ANKRD46: variants seen among roughly 807,000 people sequenced by gnomAD.
The protein encoded by ANKRD46 is ankyrin repeat domain-containing protein 46.
In ANKRD46, 13 loss-of-function variants were observed where a neutral mutation model predicts 19.8. The observed-to-expected ratio is 0.66, with a 90% CI of 0.43 to 1.04. The LOEUF (loss-of-function observed/expected upper bound fraction) is 1.04. Among genes scored for constraint, ANKRD46 ranks in the 50% least tolerant of loss-of-function variants. ANKRD46 has a pLI of 0.00. For missense variants in ANKRD46, 185 were observed against 274.8 expected (o/e 0.67, Z 2.31); for synonymous variants, 91 against 106.9 (o/e 0.85, Z 0.92).
At chr8:100,526,128 A>G (rs1010927333) in intron 4 of ANKRD46, among the ~76,000 whole-genome samples, 1 of 152,228 alleles carries the variant, frequency 6.6e-6, no homozygotes, top group African/African-American at 2.4e-5. Flanking sequence ...CAGTGTTACA[A>G]TTAATACAAA....
downstream of ANKRD46, among the ~76,000 whole-genome samples, chr8:100,520,107 G>A (rs1243724415): frequency 6.6e-6 from 1 of 152,122 alleles, no homozygotes; most frequent in Non-Finnish European, 1.5e-5. Flanking sequence ...GGTAAGTGGT[G>A]GGGAAAGGAG....
rs1811859662 is a variant in ANKRD46 at position 100,527,271 on chromosome 8, C to G, written c.470+574G>C. On this transcript the variant is annotated intron_variant, in intron 4 of 4. Transcript: ENST00000335659. This position sits in a 1 kb window ranked among gnomAD's most constrained non-coding sequence, Gnocchi z 4.0. ...GAAAGTCACTTTCACTTTCACATTA[C>G]TGAACTGTGCATGTGTTAAATACTA... Among the ~76,000 whole-genome samples, 1 of 152,342 alleles carries G rather than the reference C, an allele frequency of 6.6e-6. No homozygotes were observed. Among genetic ancestry groups the G allele is most frequent in the South Asian group, 2.1e-4 (1 of 4,830 alleles).
rs1035300507 is a variant in ANKRD46, at chr8:100,536,351, C to A, written c.-130-3040G>T. Among the ~76,000 whole-genome samples the A allele has an allele frequency of 6.6e-6, 1 of 152,054 alleles. No homozygotes were observed. The highest frequency in any genetic ancestry group is 1.9e-4 in the East Asian group (1 of 5,174). ...CTCTTAGGAGTGTACCATAGAGAGACAATTTTCTTGTCAGATGCTGTTAAA... is the reference window on the plus strand; with the variant it reads ...CTCTTAGGAGTGTACCATAGAGAGAAAATTTTCTTGTCAGATGCTGTTAAA... On this transcript the variant is annotated intron_variant, in intron 1 of 4. Transcript: ENST00000335659. The surrounding 1 kb of genome is among the most constrained non-coding windows in gnomAD (Gnocchi z 4.9).
chr8:100,522,890 CACACACACACACACATATAT>C lies in ANKRD46; in HGVS notation c.471-139_471-120del, dbSNP rs1325520415. 8.3e-5 allele frequency: 47 copies of C among 569,694 alleles called. 1 individual carries two copies. The Middle Eastern group carries it at 1.8e-3, about 22-fold the overall frequency. The allele number at this position is 569,694 out of a possible 1,614,324, so 35.3% of individuals were successfully genotyped here. A position where few individuals can be genotyped will look rare whatever the true frequency, so the allele number is the denominator to read the frequency against. On this transcript the variant is annotated intron_variant, in intron 4 of 4. Coordinates refer to ENST00000335659, the MANE Select transcript of ANKRD46 (RefSeq NM_001270377.2). ...ACACACACACACACACACACACACA[CACACACACACACACATATAT>C]ATATATACACACTCTTACATGCTTA...
intron 5 of ANKRD46, among the ~76,000 whole-genome samples, chr8:100,514,148 G>T (rs1435879670): frequency 6.6e-6 from 1 of 152,132 alleles, no homozygotes; most frequent in Non-Finnish European, 1.5e-5. Context: ...AAGAGAATTA[G>T]GCTAGCAATT....
chr8:100,541,083 C>A (rs1319154013), intron 1 of ANKRD46, among the ~76,000 whole-genome samples: 2 of 150,172 alleles, frequency 1.3e-5, no homozygotes, highest in East Asian at 3.9e-4. Context: ...AAGTTATTTA[C>A]CATAATTCTC....
In ANKRD46 at chr8:100,533,317, G is replaced by C. The variant is rs892533142; in HGVS notation, c.-130-6C>G. ...TGTAATGTGCTGGCAAGGATCTACAGTAAATAGAAAATTAAGTTATAATAG... is the reference window on the plus strand; with the variant it reads ...TGTAATGTGCTGGCAAGGATCTACACTAAATAGAAAATTAAGTTATAATAG... On this transcript the variant is annotated splice_region_variant and splice_polypyrimidine_tract_variant and intron_variant, in intron 1 of 4. Transcript: ENST00000335659. The C allele has an allele frequency of 1.3e-5, 2 of 152,202 alleles. No individual in the cohort carries two copies. The highest frequency in any genetic ancestry group is 1.3e-4 in the Admixed American group (2 of 15,284). 9.4% of individuals were successfully genotyped at this position (152,202 alleles called of 1,614,324 possible). A position where few individuals can be genotyped will look rare whatever the true frequency, so the allele number is the denominator to read the frequency against.
chr8:100,515,665 G>T (rs1811618745), intron 5 of ANKRD46, among the ~76,000 whole-genome samples: 1 of 151,374 alleles, frequency 6.6e-6, no homozygotes, highest in African/African-American at 2.4e-5. Context: ...CGGGGGAGGG[G>T]GGGGGCGGTG....
intron 4 of ANKRD46, 117 bp from the exon 5 acceptor site, chr8:100,522,888 CACACACACACACACACATATAT>C: frequency 5.3e-6 from 3 of 567,798 alleles, no homozygotes; most frequent in Non-Finnish European, 9.1e-6. Context: ...CACACACACA[CACACACACACACACACATATAT>C]ATATATACAC....
rs1286800005 is a variant in ANKRD46 at position 100,532,563 on chromosome 8, AG to A, written c.-28+645del. ...TAAAATAGTCAAGAATTCTTTTGCGAGGGTAATCTAAATATTTTCCCTTACA... is the reference window on the plus strand; with the variant it reads ...TAAAATAGTCAAGAATTCTTTTGCGAGGTAATCTAAATATTTTCCCTTACA... On this transcript the variant is annotated intron_variant, in intron 2 of 4. Coordinates refer to ENST00000335659, the MANE Select transcript of ANKRD46 (RefSeq NM_001270377.2). The surrounding 1 kb of genome is among the most constrained non-coding windows in gnomAD (Gnocchi z 4.7). 1.3e-5 allele frequency: 2 copies of A among 152,210 alleles called. No homozygotes were observed. Among genetic ancestry groups the A allele is most frequent in the Non-Finnish European group, 2.9e-5 (2 of 68,040 alleles). The allele number at this position is 152,210 out of a possible 1,614,324, so 9.4% of individuals were successfully genotyped here.
chr8:100,539,277 A>G (rs527861825), intron 1 of ANKRD46, among the ~76,000 whole-genome samples: 1 of 152,328 alleles, frequency 6.6e-6, no homozygotes, highest in East Asian at 1.9e-4. Context: ...TTAACCTTTT[A>G]GTGATCTGTC....
At chr8:100,516,663 C>A (rs1272872281), downstream of ANKRD46, among the ~76,000 whole-genome samples, 1 of 152,168 alleles carries the variant, frequency 6.6e-6, no homozygotes, top group Non-Finnish European at 1.5e-5. Flanking sequence ...CCAAATTTAG[C>A]ATTAAGCTTT....
chr8:100,528,470 G>C (rs1811887632), intron 3 of ANKRD46, among the ~76,000 whole-genome samples: 2 of 151,032 alleles, frequency 1.3e-5, no homozygotes, highest in Admixed American at 6.6e-5. Context: ...ACCCAGAGCT[G>C]AGCCAAACAT....
intron 1 of ANKRD46, among the ~76,000 whole-genome samples, chr8:100,541,311 A>G (rs759791820): frequency 7.2e-5 from 11 of 152,140 alleles, no homozygotes; most frequent in Non-Finnish European, 1.2e-4. Flanking sequence ...AAGAATTGTG[A>G]GTTTTGCAAA....
chr8:100,549,447 TTAAA>T (rs919918146), intron 1 of ANKRD46, among the ~76,000 whole-genome samples: 1 of 152,140 alleles, frequency 6.6e-6, no homozygotes, highest in Non-Finnish European at 1.5e-5. Flanking sequence ...TGAGGAAAAT[TTAAA>T]TAATCACCAA....
rs771491967 is a variant in ANKRD46 at position 100,527,709 on chromosome 8, G to A, written c.470+136C>T. ...AAAGTGACTTTCCCCTTAAAAAATCGTATTATCTTGCTGGGTGTGGCTACA... is the reference window on the plus strand; with the variant it reads ...AAAGTGACTTTCCCCTTAAAAAATCATATTATCTTGCTGGGTGTGGCTACA... On this transcript the variant is annotated intron_variant, in intron 4 of 4. Transcript: ENST00000335659. This position sits in a 1 kb window ranked among gnomAD's most constrained non-coding sequence, Gnocchi z 4.0. 7.6e-5 allele frequency: 62 copies of A among 815,746 alleles called. No homozygotes were observed. Among genetic ancestry groups the A allele is most frequent in the Non-Finnish European group, 9.9e-5 (55 of 557,120 alleles). The allele number at this position is 815,746 out of a possible 1,614,324, so 50.5% of individuals were successfully genotyped here.
rs1335309453 is a variant in ANKRD46 at position 100,511,211 on chromosome 8, C to T, written c.637-572G>A. Among the ~76,000 whole-genome samples, 1 of 152,160 alleles carries T rather than the reference C, an allele frequency of 6.6e-6. No individual in the cohort carries two copies. The highest frequency in any genetic ancestry group is 2.4e-5 in the African/African-American group (1 of 41,428). ...CTGAGTCAGGAATATCCCCATTGAA[C>T]AGATGGTGTACCTAAGGCTAGGGGA... On this transcript the variant is annotated intron_variant, in intron 5 of 5. Coordinates refer to the ANKRD46 transcript ENST00000520552. This position sits in a 1 kb window ranked among gnomAD's most constrained non-coding sequence, Gnocchi z 4.1.
In ANKRD46 at chr8:100,510,455, T is replaced by G; in HGVS notation, c.*122A>C. 2.4e-5 allele frequency: 23 copies of G among 944,432 alleles called. No homozygotes were observed. The highest frequency in any genetic ancestry group is 2.9e-5 in the Non-Finnish European group (19 of 653,492). The allele number at this position is 944,432 out of a possible 1,614,324, so 58.5% of individuals were successfully genotyped here. ...CCTCTGCCTCCTAACTGCAGAGCTT[T>G]GAGATGATGCTCCATGACACAAGTC... On this transcript the variant is annotated 3_prime_UTR_variant, in exon 6 of 6. Coordinates refer to the ANKRD46 transcript ENST00000520552. The surrounding 1 kb of genome is among the most constrained non-coding windows in gnomAD (Gnocchi z 4.9).
chr8:100,529,691 C>T lies in ANKRD46; in HGVS notation c.143G>A (p.Gly48Asp). The T allele has an allele frequency of 6.2e-7, 1 of 1,614,248 alleles. No individual in the cohort carries two copies. Among genetic ancestry groups the T allele is most frequent in the Non-Finnish European group, 8.5e-7 (1 of 1,180,050 alleles). ...PNIRDSRGRT[G>D]LHLAAARGNV... ...CCCTCGAGCTGCTGCAAGGTGAAGG[C>T]CTGTTCTGCCCCTGCTGTCACGAAT... Residue 48 changes from glycine to aspartate, a missense_variant, in exon 3 of 5, where the codon GGC (glycine) becomes GAC (aspartate). By Grantham distance (94) the Gly-to-Asp change is moderately conservative. Transcript: ENST00000335659. This position sits in a 1 kb window ranked among gnomAD's most constrained non-coding sequence, Gnocchi z 5.8.
Sources: allele counts gnomAD v4.1 joint callset (sites outside exome capture counted in the v4.1 genomes callset), GRCh38; gene constraint gnomAD v4.1.1; non-coding constraint Gnocchi (gnomAD v3.1); transcripts MANE v1.5; gene names NCBI Gene and HGNC (gene_info 2026-07-23, HGNC 2026-07-21).